PCDH15: variants seen among roughly 807,000 people sequenced by gnomAD.
PCDH15 encodes protocadherin related 15, also known as protocadherin-15.
In PCDH15, 129 loss-of-function variants were observed where a neutral mutation model predicts 178.5. That is an observed-to-expected ratio of 0.72 (90% CI 0.63 to 0.84). PCDH15 has a LOEUF of 0.84. Ranked by LOEUF, PCDH15 falls within the 40% of genes least tolerant of loss-of-function variation. PCDH15 has a pLI of 0.00. For missense variants in PCDH15, 2,230 were observed against 2,099.9 expected, an observed-to-expected ratio of 1.06 and a Z score of -1.21; for synonymous variants, 800 against 732.0, an observed-to-expected ratio of 1.09 and a Z score of -1.50.
intron 1 of PCDH15, among the ~76,000 whole-genome samples, chr10:54,744,406 C>T (rs1391726469): frequency 2.6e-5 from 4 of 151,414 alleles, no homozygotes; most frequent in Middle Eastern, 6.8e-3. Context: ...ATCTGTTAAA[C>T]AAATAAATAG....
chr10:53,971,464 A>G (rs2089677346), intron 21 of PCDH15, among the ~76,000 whole-genome samples: 1 of 152,184 alleles, frequency 6.6e-6, no homozygotes, highest in South Asian at 2.1e-4. Context: ...AAAGAAATAA[A>G]TGATATTCAA....
chr10:54,079,454 CA>C (rs757544607), intron 16 of PCDH15, 30 bp from the exon 17 acceptor site: 1 of 1,580,514 alleles, frequency 6.3e-7, no homozygotes, highest in South Asian at 1.1e-5. Context: ...ACAAATAAGA[CA>C]AAAAGAGATA....
At position 55,341,762 on chromosome 10, in the gene PCDH15, CATATATATATATATAT is replaced by C. The variant is rs775413614; in HGVS notation, c.-155-175127_-155-175112del. Among the ~76,000 whole-genome samples the C allele has an allele frequency of 7.7e-3, 338 of 43,856 alleles. 2 individuals are homozygous for C. The highest frequency in any genetic ancestry group is 0.02 in the East Asian group (19 of 942). 28.8% of individuals were successfully genotyped at this position (43,856 alleles called of 152,430 possible). A position where few individuals can be genotyped will look rare whatever the true frequency, so the allele number is the denominator to read the frequency against. Reference sequence around the variant, plus strand: ...TTTTTTTTGTATATACATACATATGCATATATATATATATATATATATATATATATATATATATATA... The same window carrying C: ...TTTTTTTTGTATATACATACATATGCATATATATATATATATATATATATA... On this transcript the variant is annotated intron_variant, in intron 2 of 5. Coordinates refer to the PCDH15 transcript ENST00000613346.
In PCDH15 at chr10:53,827,644, G is replaced by A. The variant is rs1456260045; in HGVS notation, c.4212-96C>T. The A allele has an allele frequency of 2.9e-5, 40 of 1,401,604 alleles. No homozygotes were observed. In the Admixed American group the frequency reaches 4.4e-4, roughly 15 times the overall value. The allele number at this position is 1,401,604 out of a possible 1,614,324, so 86.8% of individuals were successfully genotyped here. Reference sequence around the variant, plus strand: ...TAATAATGGGGTCCAGTTATCAGGGGAACCCACTAAAATTATTTTACACAA... The same window carrying A: ...TAATAATGGGGTCCAGTTATCAGGGAAACCCACTAAAATTATTTTACACAA... On this transcript the variant is annotated intron_variant, in intron 31 of 37. Transcript: ENST00000644397.
intron 13 of PCDH15, among the ~76,000 whole-genome samples, chr10:54,177,455 A>G (rs2047545131): frequency 6.6e-6 from 1 of 152,076 alleles, no homozygotes; most frequent in African/African-American, 2.4e-5. Flanking sequence ...ATGTAAGTTC[A>G]TTAATTGTGG....
At chr10:54,467,133 G>A (rs928141428) in intron 3 of PCDH15, among the ~76,000 whole-genome samples, 5 of 151,678 alleles carry the variant, frequency 3.3e-5, no homozygotes, top group African/African-American at 7.3e-5. Flanking sequence ...TTTCCAGTTC[G>A]AATGCCTTTT....
intron 2 of PCDH15, among the ~76,000 whole-genome samples, chr10:54,981,190 C>A (rs1457303658): frequency 6.6e-6 from 1 of 152,098 alleles, no homozygotes; most frequent in Non-Finnish European, 1.5e-5. Context: ...TACATTTCAC[C>A]ATCCCAATAC....
chr10:54,140,461 G>A (rs1481077387), intron 14 of PCDH15, among the ~76,000 whole-genome samples: 1 of 150,868 alleles, frequency 6.6e-6, no homozygotes, highest in African/African-American at 2.4e-5. Context: ...TTGGACTACT[G>A]TTTATTTCTG....
intron 11 of PCDH15, among the ~76,000 whole-genome samples, chr10:54,189,178 T>C (rs926584860): frequency 9.2e-5 from 14 of 152,026 alleles, no homozygotes; most frequent in African/African-American, 3.4e-4. Flanking sequence ...TTTTTAACTT[T>C]AAAATATTTT....
intron 2 of PCDH15, among the ~76,000 whole-genome samples, chr10:55,608,839 G>A (rs1316453917): frequency 1.3e-5 from 2 of 152,048 alleles, no homozygotes; most frequent in African/African-American, 4.8e-5. Context: ...TCATTATCTG[G>A]ATGTGATGAT....
chr10:54,810,591 A>G (rs1952847264), intron 3 of PCDH15, among the ~76,000 whole-genome samples: 1 of 152,132 alleles, frequency 6.6e-6, no homozygotes, highest in Non-Finnish European at 1.5e-5. Context: ...TGGTACCCCA[A>G]ATCTTTTGCA....
At position 54,183,512 on chromosome 10, in the gene PCDH15, T is replaced by G. The variant is rs570048496; in HGVS notation, c.1522A>C (p.Thr508Pro). 1 of 1,613,798 alleles carries G rather than the reference T, an allele frequency of 6.2e-7. No individual in the cohort carries two copies. The highest frequency in any genetic ancestry group is 8.5e-7 in the Non-Finnish European group (1 of 1,179,764). ...QVMDANDNTP[T>P]FPEISYDVYV... ...ACATCATAGGATATTTCAGGGAAGGTTGGCGTGTTATCATTTGCATCCATC... is the reference window on the plus strand; with the variant it reads ...ACATCATAGGATATTTCAGGGAAGGGTGGCGTGTTATCATTTGCATCCATC... The change falls in exon 13 of 38, where the codon ACC becomes CCC. Residue 508 changes from threonine (T) to proline (P), a missense_variant. Thr to Pro is a conservative substitution (Grantham distance 38). Transcript: ENST00000644397.
rs565773061 is a variant in PCDH15, at chr10:54,792,254, A to G, written c.-29+8671T>C. On this transcript the variant is annotated intron_variant, in intron 1 of 37. Coordinates refer to ENST00000644397, the MANE Select transcript of PCDH15 (RefSeq NM_001384140.1). ...TACTTGCCTACTCCAGCCAAATACC[A>G]AGGACAAAAATTGCACCATCTCTAC... Among the ~76,000 whole-genome samples the G allele has an allele frequency of 5.9e-5, 9 of 152,036 alleles. No homozygotes were observed. In the South Asian group the frequency reaches 1.9e-3, roughly 32 times the overall value.
chr10:55,609,748 C>T (rs967666811), intron 2 of PCDH15, among the ~76,000 whole-genome samples: 3 of 152,014 alleles, frequency 2.0e-5, no homozygotes, highest in Non-Finnish European at 4.4e-5. Context: ...ATAAGTAATT[C>T]ATAAAATGAG....
intron 3 of PCDH15, among the ~76,000 whole-genome samples, chr10:54,398,737 A>C (rs988880278): frequency 1.3e-5 from 2 of 151,986 alleles, no homozygotes; most frequent in African/African-American, 4.8e-5. Flanking sequence ...TTGTTGTTTT[A>C]AATCAGAAAA....
rs1393493719 is a variant in PCDH15, at chr10:54,242,129, T to TA, written c.877-5199_877-5198insT. Among the ~76,000 whole-genome samples the TA allele has an allele frequency of 2.1e-3, 51 of 24,452 alleles. 7 individuals are homozygous for TA. The highest frequency in any genetic ancestry group is 9.0e-3 in the African/African-American group (19 of 2,114). The allele number at this position is 24,452 out of a possible 152,430, so 16.0% of individuals were successfully genotyped here. On this transcript the variant is annotated intron_variant, in intron 8 of 37. Coordinates refer to ENST00000644397, the MANE Select transcript of PCDH15 (RefSeq NM_001384140.1). ...ATGAACTTTTGGTCTGAATTCTATT[T>TA]TTATATATATATATATATATATATA... is the stretch of plus-strand genomic sequence containing the variant.
intron 8 of PCDH15, among the ~76,000 whole-genome samples, chr10:54,296,180 C>T (rs1486916007): frequency 3.7e-5 from 5 of 135,500 alleles, no homozygotes; most frequent in Non-Finnish European, 8.0e-5. Flanking sequence ...GTGGTTGGCA[C>T]GGCCACTGGA....
Position 54,023,178 on chromosome 10 carries a change from C to A in PCDH15, c.2240G>T (p.Gly747Val), listed in dbSNP as rs765302336. 1 of 1,613,502 alleles carries A rather than the reference C, an allele frequency of 6.2e-7. No individual in the cohort carries two copies. Among genetic ancestry groups the A allele is most frequent in the East Asian group, 2.2e-5 (1 of 44,868 alleles). The change falls in exon 19 of 38, where the codon GGA becomes GTA. Residue 747 changes from glycine (G) to valine (V), a missense_variant. Coordinates refer to ENST00000644397, the MANE Select transcript of PCDH15 (RefSeq NM_001384140.1). ...ACTGTAGTGCACTTGACCATTTATT[C>A]CAGCATCAGGGTCTGTTGCCTATTA... is the stretch of plus-strand genomic sequence containing the variant. ...GQVKATDPDAGINGQVHYSLG... is the reference protein window; with the variant it reads ...GQVKATDPDAVINGQVHYSLG...
chr10:55,482,046 ATCT>A (rs1840192858), intron 2 of PCDH15, among the ~76,000 whole-genome samples: 1 of 151,776 alleles, frequency 6.6e-6, no homozygotes, highest in African/African-American at 2.4e-5. Flanking sequence ...AGGATAGTAA[ATCT>A]TCTTGGTGAA....
Sources: allele counts gnomAD v4.1 joint callset (sites outside exome capture counted in the v4.1 genomes callset), GRCh38; gene constraint gnomAD v4.1.1; transcripts MANE v1.5; gene names NCBI Gene and HGNC (gene_info 2026-07-23, HGNC 2026-07-21).